Variants in TUT7 observed in about 807,000 individuals in gnomAD.
The protein encoded by TUT7 is terminal uridylyl transferase 7, also known as terminal uridylyltransferase 7.
A neutral mutation model predicts 165.9 loss-of-function variants in TUT7; 33 were observed. That is an observed-to-expected ratio of 0.20 (90% CI 0.15 to 0.27). The LOEUF is 0.27. Ranked by LOEUF, TUT7 falls within the 10% of genes least tolerant of loss-of-function variation. The pLI is 1.00. For missense variants in TUT7, 1,338 were observed against 1,762.3 expected (o/e 0.76, Z 4.31); for synonymous variants, 552 against 608.1 (o/e 0.91, Z 1.36).
chr9:86,325,389 T>A lies in TUT7; in HGVS notation c.1734A>T (p.Lys578Asn). Residue 578 changes from lysine (K) to asparagine (N), a missense_variant, in exon 12 of 27, where the codon AAA (lysine) becomes AAT (asparagine). Physicochemically the swap from Lys to Asn is moderately conservative, Grantham distance 94 (BLOSUM62 0). Coordinates refer to ENST00000375963, the MANE Select transcript of TUT7 (RefSeq NM_024617.4). ...LADLVISIRV[K>N]ELVSRELKDW... is the part of the protein sequence containing the mutation. ...CCTTCAATTCCCGAGATACCAATTC[T>A]TTGACACGAATACTTATCACTAAAT... The A allele has an allele frequency of 6.2e-7, 1 of 1,614,166 alleles. No homozygotes were observed. Among genetic ancestry groups the A allele is most frequent in the Non-Finnish European group, 8.5e-7 (1 of 1,180,004 alleles).
intron 11 of TUT7, 113 bp from the exon 12 acceptor site, chr9:86,325,627 A>C: frequency 1.1e-6 from 1 of 943,658 alleles, no homozygotes; most frequent in Non-Finnish European, 1.6e-6. Context: ...TAACAAAGAT[A>C]TAAGCCTGAC....
At chr9:86,310,054 G>T (rs374997117) in intron 18 of TUT7, 37 bp from the exon 19 acceptor site, 1 of 1,511,614 alleles carries the variant, frequency 6.6e-7, no homozygotes, top group South Asian at 1.2e-5. Context: ...GACTAACAAT[G>T]AAGTGTAAAG....
At chr9:86,310,143 T>C in intron 18 of TUT7, 126 bp from the exon 19 acceptor site, 1 of 733,444 alleles carries the variant, frequency 1.4e-6, no homozygotes, top group Non-Finnish European at 2.1e-6. Context: ...GGTCATGAAC[T>C]CCTGGGCTCA....
Position 86,352,882 on chromosome 9 carries a change from A to G in TUT7, c.318T>C (p.His106=). The G allele has an allele frequency of 2.5e-6, 4 of 1,614,186 alleles. No individual in the cohort carries two copies. The highest frequency in any genetic ancestry group is 3.4e-6 in the Non-Finnish European group (4 of 1,180,026). The change falls in exon 2 of 27, where the codon CAT becomes CAC. Residue 106 remains histidine (H), a synonymous_variant. Coordinates refer to ENST00000375963, the MANE Select transcript of TUT7 (RefSeq NM_024617.4). ...DQSKRWLSDE[H]TGNSDNWREF... Reference sequence around the variant, plus strand: ...CTCTCCAGTTGTCTGAATTACCAGTATGTTCATCAGACAGCCATCTCTTAC... The same window carrying G: ...CTCTCCAGTTGTCTGAATTACCAGTGTGTTCATCAGACAGCCATCTCTTAC...
chr9:86,329,322 G>A (rs1429552731), intron 10 of TUT7, among the ~76,000 whole-genome samples: 6 of 152,044 alleles, frequency 3.9e-5, no homozygotes, highest in Middle Eastern at 3.4e-3. Flanking sequence ...TCAGGAGTTC[G>A]AGACCAGCCT....
In TUT7 at chr9:86,322,363, A is replaced by C; in HGVS notation, c.2990T>G (p.Phe997Cys). 3.1e-6 allele frequency: 5 copies of C among 1,614,088 alleles called. No homozygotes were observed. The highest frequency in any genetic ancestry group is 4.2e-6 in the Non-Finnish European group (5 of 1,179,950). ...LEPLPPLTPK[F>C]LNILDQVCIQ... ...ACAGACTTGATCTAAGATATTTAAA[A>C]ACTTGGGTGTTAATGGTGGCAGAGG... The change falls in exon 14 of 27, where the codon TTT (phenylalanine) becomes TGT (cysteine). Residue 997 changes from phenylalanine to cysteine, a missense_variant. Around this residue, in one of 7 missense-constraint regions of TUT7, gnomAD observed 425 missense variants for 474.9 expected, o/e 0.89. Coordinates refer to ENST00000375963, the MANE Select transcript of TUT7 (RefSeq NM_024617.4).
intron 14 of TUT7, 103 bp downstream of exon 14, chr9:86,322,222 T>A: frequency 9.7e-7 from 1 of 1,031,192 alleles, no homozygotes; most frequent in Non-Finnish European, 1.4e-6. Context: ...ATAGACTTGG[T>A]CCCTAATAAT....
intron 11 of TUT7, among the ~76,000 whole-genome samples, chr9:86,327,844 T>A (rs1033873252): frequency 1.3e-5 from 2 of 152,222 alleles, no homozygotes; most frequent in Admixed American, 1.3e-4. Context: ...GCCTTTCACC[T>A]ATTTGGGAGA....
At chr9:86,331,894 A>C (rs1246621263) in intron 10 of TUT7, among the ~76,000 whole-genome samples, 1 of 152,170 alleles carries the variant, frequency 6.6e-6, no homozygotes, top group Non-Finnish European at 1.5e-5. Flanking sequence ...TAAAGAACTT[A>C]ACAAATTTAC....
Position 86,323,174 on chromosome 9 carries a change from T to C in TUT7, c.2576A>G (p.Glu859Gly). The C allele has an allele frequency of 6.2e-7, 1 of 1,614,206 alleles. No individual in the cohort carries two copies. Among genetic ancestry groups the C allele is most frequent in the Non-Finnish European group, 8.5e-7 (1 of 1,180,036 alleles). The change falls in exon 13 of 27, where the codon GAA becomes GGA. Residue 859 changes from glutamate (E) to glycine (G), a missense_variant. Glu to Gly is a moderately conservative substitution (Grantham distance 98, BLOSUM62 -2). Around this residue, in one of 7 missense-constraint regions of TUT7, gnomAD observed 425 missense variants for 474.9 expected, o/e 0.89. Coordinates refer to ENST00000375963, the MANE Select transcript of TUT7 (RefSeq NM_024617.4). ...EDDEEEEEEE[E>G]PRLTINQRED... ...CCTTTGGTTAATGGTGAGCCTAGGTTCTTCTTCCTCCTCCTCTTCTTCGTC... is the reference window on the plus strand; with the variant it reads ...CCTTTGGTTAATGGTGAGCCTAGGTCCTTCTTCCTCCTCCTCTTCTTCGTC...
At position 86,312,054 on chromosome 9, in the gene TUT7, G is replaced by A. The variant is rs563482678; in HGVS notation, c.3275-1245C>T. Among the ~76,000 whole-genome samples, 7 of 152,282 alleles carry A rather than the reference G, an allele frequency of 4.6e-5. No individual in the cohort carries two copies. The East Asian group carries it at 1.4e-3, about 29-fold the overall frequency. On this transcript the variant is annotated intron_variant, in intron 17 of 26. Transcript: ENST00000375963. ...GCCCGGCCGCCACCCCGTCTGGGAA[G>A]TGAGGAGCATCTGTGCCTGGCCGCC...
chr9:86,350,778 A>G (rs762895314), intron 2 of TUT7, among the ~76,000 whole-genome samples: 2 of 152,240 alleles, frequency 1.3e-5, no homozygotes, highest in Non-Finnish European at 2.9e-5. Flanking sequence ...TAACGCCTTT[A>G]TAACACTTCA....
rs1355744276 is a variant in TUT7, at chr9:86,319,071, T to C, written c.3116-13A>G. 6 of 1,588,818 alleles carry C rather than the reference T, an allele frequency of 3.8e-6. No individual in the cohort carries two copies. In the East Asian group the frequency reaches 6.7e-5, roughly 18 times the overall value. On this transcript the variant is annotated splice_polypyrimidine_tract_variant and intron_variant, in intron 15 of 26. Coordinates refer to ENST00000375963, the MANE Select transcript of TUT7 (RefSeq NM_024617.4). ...CTCAATTTAGTTCCTGTTAGGGATA[T>C]ATGAAAAGTAATAACTAATTACCTG...
At chr9:86,339,773 T>G (rs1831172047) in intron 8 of TUT7, among the ~76,000 whole-genome samples, 1 of 152,232 alleles carries the variant, frequency 6.6e-6, no homozygotes, top group Non-Finnish European at 1.5e-5. Flanking sequence ...AACTATTTAA[T>G]AAGGCTGTTT....
In TUT7 at chr9:86,346,363, T is replaced by A; in HGVS notation, c.638A>T (p.Glu213Val). 1.2e-6 allele frequency: 2 copies of A among 1,614,146 alleles called. No individual in the cohort carries two copies. The highest frequency in any genetic ancestry group is 1.7e-6 in the Non-Finnish European group (2 of 1,179,998). ...CTCAGCCTGCTGTAAGCCTAGCAGC[T>A]CCTTCGTTGAAAGTACAGACTCATC... ...VIDESVLSTK[E>V]LLGLQQAEER... is the part of the protein sequence containing the mutation. Residue 213 changes from glutamate to valine, a missense_variant, in exon 3 of 27, where the codon GAG (glutamate) becomes GTG (valine). Transcript: ENST00000375963.
chr9:86,315,835 CT>C (rs1184414689), intron 17 of TUT7, among the ~76,000 whole-genome samples: 1 of 151,714 alleles, frequency 6.6e-6, no homozygotes, highest in African/African-American at 2.4e-5. Context: ...TTTCTGTATA[CT>C]TTAGGTTAAT....
intron 16 of TUT7, among the ~76,000 whole-genome samples, 199 bp downstream of exon 16, chr9:86,318,759 T>G (rs563879499): frequency 0.037 from 5,599 of 152,264 alleles, 345 homozygotes; most frequent in African/African-American, 0.13. Flanking sequence ...TGCTACAGAG[T>G]GAAAGTATAA....
chr9:86,346,319 A>G lies in TUT7; in HGVS notation c.682T>C (p.Cys228Arg). The change falls in exon 3 of 27, where the codon TGC (cysteine) becomes CGC (arginine). Residue 228 changes from cysteine (C) to arginine (R), a missense_variant. Cys to Arg is a radical substitution (Grantham distance 180). Coordinates refer to ENST00000375963, the MANE Select transcript of TUT7 (RefSeq NM_024617.4). ...GTTACCCTTTTTAGCCTGTCAATGC[A>G]GTCTCTCTTCAGTCTCTCCTCAGCC... ...QQAEERLKRD[C>R]IDRLKRRPRN... 1 of 1,613,654 alleles carries G rather than the reference A, an allele frequency of 6.2e-7. No individual in the cohort carries two copies. The highest frequency in any genetic ancestry group is 8.5e-7 in the Non-Finnish European group (1 of 1,179,778).
At chr9:86,305,376 T>C (rs916723943) in intron 22 of TUT7, 137 bp from the exon 23 acceptor site, 18 of 621,080 alleles carry the variant, frequency 2.9e-5, no homozygotes, top group South Asian at 7.1e-5. Flanking sequence ...ATTCACATGA[T>C]AGAAAAGAAG....
Sources: gnomAD v4.1 joint callset for allele counts (sites outside exome capture counted in the v4.1 genomes callset) on GRCh38, gnomAD v4.1.1 for gene constraint, gnomAD v4.1.1 regional missense constraint, MANE v1.5 for transcripts, NCBI Gene and HGNC (gene_info 2026-07-23, HGNC 2026-07-21) for gene names.